The following CCDC39 variants were observed in gnomAD, a reference collection of about 807,000 sequenced individuals.
The protein encoded by CCDC39 is coiled-coil domain-containing protein 39.
A neutral mutation model predicts 121.0 loss-of-function variants in CCDC39; 113 were observed. The observed-to-expected ratio is 0.93, with a 90% CI of 0.80 to 1.09. The LOEUF is 1.09. Among genes scored for constraint, CCDC39 ranks in the 50% least tolerant of loss-of-function variants. The probability of loss-of-function intolerance (pLI) is 0.00; values close to 1 mark genes in which losing one functional copy is unlikely to be tolerated. For synonymous variants in CCDC39, 349 were observed against 352.2 expected (o/e 0.99, Z 0.10); for missense variants, 1,063 against 1,074.7 (o/e 0.99, Z 0.15).
chr3:180,619,941 C>T lies in CCDC39; in HGVS notation c.2028G>A (p.Arg676=). The change falls in exon 15 of 20, where the codon AGG becomes AGA. Residue 676 remains arginine (R), a synonymous_variant. Coordinates refer to ENST00000476379, the MANE Select transcript of CCDC39 (RefSeq NM_181426.2). ...KAAQEKEELQ[R]EGDCLDAKIN... is the part of the protein sequence containing the mutation. ...TCTTGGCATCCAAACAGTCACCTTC[C>T]CTTTGAAGTTCTTCTTTTTCTTGAG... 6.2e-7 allele frequency: 1 copy of T among 1,608,208 alleles called. No individual in the cohort carries two copies. Among genetic ancestry groups the T allele is most frequent in the Non-Finnish European group, 8.5e-7 (1 of 1,177,078 alleles).
chr3:180,663,575 C>T (rs1340352426), intron 2 of CCDC39, among the ~76,000 whole-genome samples: 1 of 151,094 alleles, frequency 6.6e-6, no homozygotes, highest in Middle Eastern at 3.2e-3. Context: ...GAGGCTGAGG[C>T]ATGAGAATCT....
chr3:180,654,647 A>T, intron 7 of CCDC39, 115 bp downstream of exon 7: 1 of 625,962 alleles, frequency 1.6e-6, no homozygotes, highest in Non-Finnish European at 2.4e-6. Flanking sequence ...AGAAAAAGGA[A>T]AAAAAAAAAA....
At chr3:180,677,216 A>ATATATATATATATAT (rs1712260788) in intron 1 of CCDC39, among the ~76,000 whole-genome samples, 17 of 117,936 alleles carry the variant, frequency 1.4e-4, no homozygotes, top group Admixed American at 2.6e-4. Flanking sequence ...ATATATATAT[A>ATATATATATATATAT]AAATCACAGT....
At chr3:180,635,211 C>A (rs1395071670) in intron 13 of CCDC39, among the ~76,000 whole-genome samples, 1 of 152,124 alleles carries the variant, frequency 6.6e-6, no homozygotes, top group Non-Finnish European at 1.5e-5. Context: ...AAACCACCAC[C>A]AACATCCATT....
intron 13 of CCDC39, among the ~76,000 whole-genome samples, chr3:180,635,908 T>G (rs902574713): frequency 3.9e-5 from 6 of 152,202 alleles, no homozygotes; most frequent in African/African-American, 1.4e-4. Context: ...TCAACTCCTC[T>G]TCATGTTAAA....
At chr3:180,617,557 AC>A in intron 16 of CCDC39, 1 of 598,016 alleles carries the variant, frequency 1.7e-6, no homozygotes. Flanking sequence ...GATGATCCTG[AC>A]CACGGGTAGG....
At position 180,677,850 on chromosome 3, in the gene CCDC39, C is replaced by T. The variant is rs545260881; in HGVS notation, c.90+1441G>A. Reference sequence around the variant, plus strand: ...GAGGAAATACCTTATGTTTTTATCTCATACCCTTCTATTCTGTTTGAATAT... The same window carrying T: ...GAGGAAATACCTTATGTTTTTATCTTATACCCTTCTATTCTGTTTGAATAT... On this transcript the variant is annotated intron_variant, in intron 1 of 19. Transcript: ENST00000476379. Among the ~76,000 whole-genome samples, 222 of 152,190 alleles carry T rather than the reference C, an allele frequency of 1.5e-3. 1 individual carries two copies. The highest frequency in any genetic ancestry group is 5.1e-3 in the African/African-American group (211 of 41,528).
At chr3:180,625,361 T>A (rs944891096) in intron 14 of CCDC39, among the ~76,000 whole-genome samples, 1 of 151,842 alleles carries the variant, frequency 6.6e-6, no homozygotes, top group Non-Finnish European at 1.5e-5. Context: ...TTTTTTTTTT[T>A]TTAAGATATC....
At chr3:180,628,332 C>T (rs577798468) in intron 14 of CCDC39, among the ~76,000 whole-genome samples, 39 of 152,234 alleles carry the variant, frequency 2.6e-4, no homozygotes, top group African/African-American at 4.6e-4. Context: ...CTCAGCCTCC[C>T]GAGGAGCTGG....
chr3:180,664,847 C>T (rs1711833974), intron 1 of CCDC39, among the ~76,000 whole-genome samples: 1 of 142,454 alleles, frequency 7.0e-6, no homozygotes, highest in African/African-American at 2.7e-5. Context: ...CAGGTGCCCA[C>T]CACTACACCT....
intron 13 of CCDC39, among the ~76,000 whole-genome samples, chr3:180,639,205 G>T (rs1455002654): frequency 6.6e-6 from 1 of 152,090 alleles, no homozygotes; most frequent in Non-Finnish European, 1.5e-5. Flanking sequence ...AAATTTTTAA[G>T]TGATTAGAAA....
intron 1 of CCDC39, among the ~76,000 whole-genome samples, chr3:180,675,694 T>C (rs1455147203): frequency 6.6e-6 from 1 of 152,076 alleles, no homozygotes; most frequent in African/African-American, 2.4e-5. Context: ...TTGTTCTCAT[T>C]GAAGCCAAAA....
chr3:180,649,937 A>G (rs944794581), intron 9 of CCDC39, among the ~76,000 whole-genome samples: 1 of 152,234 alleles, frequency 6.6e-6, no homozygotes, highest in Admixed American at 6.5e-5. Flanking sequence ...TGTAATTTGA[A>G]TATCATTCAT....
rs1335244559 is a variant in CCDC39 at position 180,651,440 on chromosome 3, A to G, written c.1128T>C (p.Asn376=). ...KTMSVEEKAT[N]LEDMLKEEEK... ...CCTCCTCCTTTAGCATATCTTCCAA[A>G]TTAGTAGCTTTCTCTTCTACAGACA... The change falls in exon 9 of 20, where the codon AAT becomes AAC. Residue 376 remains asparagine, a synonymous_variant. Coordinates refer to ENST00000476379, the MANE Select transcript of CCDC39 (RefSeq NM_181426.2). 2 of 1,559,500 alleles carry G rather than the reference A, an allele frequency of 1.3e-6. No homozygotes were observed. Among genetic ancestry groups the G allele is most frequent in the African/African-American group, 2.7e-5 (2 of 73,664 alleles).
At chr3:180,642,241 T>C (rs1282513337) in intron 12 of CCDC39, 40 bp from the exon 13 acceptor site, 2 of 1,389,142 alleles carry the variant, frequency 1.4e-6, no homozygotes, top group Admixed American at 2.9e-5. Context: ...GAAATTATTT[T>C]TAATTGCAAA....
At chr3:180,626,062 C>T (rs973760877) in intron 14 of CCDC39, among the ~76,000 whole-genome samples, 5 of 151,918 alleles carry the variant, frequency 3.3e-5, no homozygotes, top group South Asian at 2.1e-4. Flanking sequence ...ATGGCAGTAG[C>T]GGTGGTAAAG....
chr3:180,654,880 C>A lies in CCDC39; in HGVS notation c.812G>T (p.Ser271Ile). The A allele has an allele frequency of 6.3e-7, 1 of 1,595,964 alleles. No homozygotes were observed. Among genetic ancestry groups the A allele is most frequent in the African/African-American group, 1.4e-5 (1 of 74,026 alleles). The change falls in exon 7 of 20, where the codon AGT becomes ATT. Residue 271 changes from serine (S) to isoleucine (I), a missense_variant. Coordinates refer to ENST00000476379, the MANE Select transcript of CCDC39 (RefSeq NM_181426.2). ...AAACTCTGTGTTATTCCCAATCTCA[C>A]TTTCCAAAAACTTGATCTTTTCTTT... ...LVKEKIKFLESEIGNNTEFEK... is the reference protein window; with the variant it reads ...LVKEKIKFLEIEIGNNTEFEK...
intron 4 of CCDC39, 68 bp from the exon 5 acceptor site, chr3:180,659,837 T>TA: frequency 1.0e-6 from 1 of 979,472 alleles, no homozygotes; most frequent in Non-Finnish European, 1.5e-6. Flanking sequence ...TTAGTGTATC[T>TA]AACATTAAAT....
intron 19 of CCDC39, among the ~76,000 whole-genome samples, chr3:180,615,371 A>G (rs1717192380): frequency 6.6e-6 from 1 of 152,136 alleles, no homozygotes; most frequent in Non-Finnish European, 1.5e-5. Context: ...ATCATTAAGC[A>G]TTGAAAGTTT....
Sources: allele counts gnomAD v4.1 joint callset (sites outside exome capture counted in the v4.1 genomes callset), GRCh38; gene constraint gnomAD v4.1.1; transcripts MANE v1.5; gene names NCBI Gene and HGNC (gene_info 2026-07-23, HGNC 2026-07-21).